MYEF2: variants seen among roughly 807,000 people sequenced by gnomAD.
MYEF2 encodes the protein myelin gene expression factor 2.
A neutral mutation model predicts 75.2 loss-of-function variants in MYEF2; 37 were observed. The ratio of observed to expected loss-of-function variants is 0.49; its 90% CI spans 0.38 to 0.65. The LOEUF is 0.65. Ranked by LOEUF, MYEF2 falls within the 30% of genes least tolerant of loss-of-function variation. The pLI is 0.00. For missense variants in MYEF2, 634 were observed against 771.4 expected, an observed-to-expected ratio of 0.82 and a Z score of 2.11; for synonymous variants, 195 against 241.6, an observed-to-expected ratio of 0.81 and a Z score of 1.79.
At chr15:48,168,902 T>C in intron 1 of MYEF2, 63 bp from the exon 2 acceptor site, 5 of 1,243,236 alleles carry the variant, frequency 4.0e-6, no homozygotes, top group Non-Finnish European at 5.6e-6. Flanking sequence ...AATGGAAGTC[T>C]ATATTAAATA....
Position 48,137,059 on chromosome 15 carries a change from A to ACAT in MYEF2, c.*5848_*5849insATG. 7.6e-7 allele frequency: 1 copy of ACAT among 1,319,282 alleles called. No individual in the cohort carries two copies. The highest frequency in any genetic ancestry group is 1.0e-6 in the Non-Finnish European group (1 of 973,300). The allele number at this position is 1,319,282 out of a possible 1,614,324, so 81.7% of individuals were successfully genotyped here. ...AGCAAGTATTGTGTGCTTTTTATGTAAAAAAGACTGTGAAGACTCAGAAAT... is the reference window on the plus strand; with the variant it reads ...AGCAAGTATTGTGTGCTTTTTATGTACATAAAAAGACTGTGAAGACTCAGAAAT... On this transcript the variant is annotated 3_prime_UTR_variant, in exon 17 of 17. Coordinates refer to ENST00000324324, the MANE Select transcript of MYEF2 (RefSeq NM_016132.5).
chr15:48,160,124 A>G (rs2039879571), intron 5 of MYEF2, among the ~76,000 whole-genome samples: 1 of 152,106 alleles, frequency 6.6e-6, no homozygotes, highest in Admixed American at 6.6e-5. Context: ...CGAAGTACTC[A>G]CTGCAACTTT....
At chr15:48,157,156 G>A (rs1019817604) in intron 9 of MYEF2, 5 of 151,984 alleles carry the variant, frequency 3.3e-5, no homozygotes, top group Admixed American at 3.3e-4. Flanking sequence ...TATTTATTGA[G>A]TGTTTACATT....
At chr15:48,160,117 A>C (rs1884648992) in intron 5 of MYEF2, among the ~76,000 whole-genome samples, 2 of 152,122 alleles carry the variant, frequency 1.3e-5, no homozygotes, top group Admixed American at 6.6e-5. Context: ...AGAAGAGCGA[A>C]GTACTCACTG....
At chr15:48,147,096 T>A (rs2039313767) in intron 16 of MYEF2, among the ~76,000 whole-genome samples, 1 of 151,988 alleles carries the variant, frequency 6.6e-6, no homozygotes, top group Non-Finnish European at 1.5e-5. Context: ...AGAGCTAAAA[T>A]AGCAAAGTAA....
chr15:48,159,495 C>T (rs914281628), intron 6 of MYEF2, 118 bp downstream of exon 6: 9 of 807,724 alleles, frequency 1.1e-5, no homozygotes, highest in African/African-American at 1.1e-4. Context: ...ACAATAATTA[C>T]TATTTCACTT....
intron 5 of MYEF2, among the ~76,000 whole-genome samples, 163 bp from the exon 6 acceptor site, chr15:48,159,967 A>C (rs1185053239): frequency 6.6e-6 from 1 of 152,078 alleles, no homozygotes; most frequent in Admixed American, 6.6e-5. Flanking sequence ...TCCCATAAAA[A>C]CCTGTGGATA....
Position 48,135,404 on chromosome 15 carries a change from T to A in MYEF2, c.*7504A>T, listed in dbSNP as rs935929638. On this transcript the variant is annotated 3_prime_UTR_variant, in exon 17 of 17. Coordinates refer to ENST00000324324, the MANE Select transcript of MYEF2 (RefSeq NM_016132.5). ...GTAGAGGAAGTAAAAGAAGTCTTTT[T>A]AAATTCCTCCAAACTTCTGATGCTC... 1 of 153,734 alleles carries A rather than the reference T, an allele frequency of 6.5e-6. No individual in the cohort carries two copies. The highest frequency in any genetic ancestry group is 1.4e-5 in the Non-Finnish European group (1 of 69,086). The allele number at this position is 153,734 out of a possible 1,614,324, so 9.5% of individuals were successfully genotyped here. A position where few individuals can be genotyped will look rare whatever the true frequency, so the allele number is the denominator to read the frequency against.
intron 1 of MYEF2, among the ~76,000 whole-genome samples, chr15:48,174,305 G>A (rs2040439704): frequency 6.6e-6 from 1 of 151,204 alleles, no homozygotes; most frequent in South Asian, 2.1e-4. Flanking sequence ...AAATGAAAAT[G>A]GATTAAAAAC....
chr15:48,154,288 T>C (rs1245352490), intron 9 of MYEF2, among the ~76,000 whole-genome samples: 3 of 152,162 alleles, frequency 2.0e-5, no homozygotes, highest in African/African-American at 7.2e-5. Flanking sequence ...ACTTTTTAAA[T>C]GGTTCAAATC....
intron 1 of MYEF2, among the ~76,000 whole-genome samples, chr15:48,177,827 A>T (rs1218540333): frequency 6.6e-6 from 1 of 152,198 alleles, no homozygotes; most frequent in Non-Finnish European, 1.5e-5. Context: ...CTCGGGCTAG[A>T]AATCAGGGAA....
rs2038925910 is a variant in MYEF2 at position 48,137,316 on chromosome 15, T to A, written c.*5592A>T. The A allele has an allele frequency of 5.1e-6, 1 of 196,416 alleles. No individual in the cohort carries two copies. The highest frequency in any genetic ancestry group is 1.0e-5 in the Non-Finnish European group (1 of 96,892). The allele number at this position is 196,416 out of a possible 1,614,324, so 12.2% of individuals were successfully genotyped here. On this transcript the variant is annotated 3_prime_UTR_variant, in exon 17 of 17. Coordinates refer to ENST00000324324, the MANE Select transcript of MYEF2 (RefSeq NM_016132.5). ...AAAGACTTTAACTAATGACATATGT[T>A]ATGACCAATAAGTAGCAGCTACTGA...
intron 3 of MYEF2, among the ~76,000 whole-genome samples, chr15:48,166,509 C>T (rs1329250067): frequency 3.3e-5 from 5 of 151,768 alleles, no homozygotes; most frequent in African/African-American, 7.3e-5. Flanking sequence ...GTATTGTCTA[C>T]GACATATTTT....
In MYEF2 at chr15:48,141,514, T is replaced by A. The variant is rs1041690251; in HGVS notation, c.*1394A>T. 1 of 204,994 alleles carries A rather than the reference T, an allele frequency of 4.9e-6. No homozygotes were observed. The highest frequency in any genetic ancestry group is 2.3e-5 in the African/African-American group (1 of 42,626). The allele number at this position is 204,994 out of a possible 1,614,324, so 12.7% of individuals were successfully genotyped here. A position where few individuals can be genotyped will look rare whatever the true frequency, so the allele number is the denominator to read the frequency against. ...ATTGTTTGAATCCAGGAGGCGGAGG[T>A]TGCAGTGAGCCGAGATTGCGCCACG... On this transcript the variant is annotated 3_prime_UTR_variant, in exon 17 of 17. Coordinates refer to ENST00000324324, the MANE Select transcript of MYEF2 (RefSeq NM_016132.5).
chr15:48,149,283 TG>T lies in MYEF2; in HGVS notation c.1466del (p.Pro489GlnfsTer3). 1.2e-6 allele frequency: 2 copies of T among 1,613,336 alleles called. No homozygotes were observed. The highest frequency in any genetic ancestry group is 1.7e-6 in the Non-Finnish European group (2 of 1,179,480). ...TCCTTTCCAGTATAGCTCCTATACCTGGTCCCATTCTATCAAAGCTGGAACT... is the reference window on the plus strand; with the variant it reads ...TCCTTTCCAGTATAGCTCCTATACCTGTCCCATTCTATCAAAGCTGGAACT... ...RMSSSFDRMGPGIGAILERSI... is the reference protein window; with the variant it reads ...RMSSSFDRMGXGIGAILERSI... On this transcript the variant is annotated frameshift_variant, in exon 15 of 17. Transcript: ENST00000324324. LOFTEE classifies it high-confidence loss of function. The surrounding 1 kb of genome is among the most constrained non-coding windows in gnomAD (Gnocchi z 4.0).
In MYEF2 at chr15:48,167,388, T is replaced by C. The variant is rs2040171389; in HGVS notation, c.384A>G (p.Thr128=). Residue 128 remains threonine, a synonymous_variant, in exon 3 of 17, where the codon ACA becomes ACG. Transcript: ENST00000324324. The part of the protein sequence containing the change: ...DLMREKVGEV[T]YVELFKDAEG... ...CCGCATCCTTAAAGAGCTCCACGTA[T>C]GTAACCTCACCAACTACATAAGACA... 1 of 1,613,132 alleles carries C rather than the reference T, an allele frequency of 6.2e-7. No homozygotes were observed. Among genetic ancestry groups the C allele is most frequent in the Admixed American group, 1.7e-5 (1 of 60,002 alleles).
Position 48,142,243 on chromosome 15 carries a change from A to C in MYEF2, c.*665T>G. 6.2e-7 allele frequency: 1 copy of C among 1,613,774 alleles called. No individual in the cohort carries two copies. The highest frequency in any genetic ancestry group is 1.1e-5 in the South Asian group (1 of 91,072). On this transcript the variant is annotated 3_prime_UTR_variant, in exon 17 of 17. Transcript: ENST00000324324. ...ACTTCAATGGCTGGAAACTAGACAG[A>C]AAGTTGGGAATAGTCTGCCTATTAT...
chr15:48,160,605 T>A (rs1246353909), intron 5 of MYEF2, among the ~76,000 whole-genome samples: 2 of 151,802 alleles, frequency 1.3e-5, no homozygotes, highest in African/African-American at 4.8e-5. Flanking sequence ...AACACATGGA[T>A]AGACTATCAT....
In MYEF2 at chr15:48,136,149, A is replaced by C. The variant is rs1462428671; in HGVS notation, c.*6759T>G. ...AGCCAAATTCAGCTACATTCAAATC[A>C]TTAAAAATGCTCTGTATGACAAACT... On this transcript the variant is annotated 3_prime_UTR_variant, in exon 17 of 17. Coordinates refer to ENST00000324324, the MANE Select transcript of MYEF2 (RefSeq NM_016132.5). The C allele has an allele frequency of 6.6e-6, 1 of 152,174 alleles. No individual in the cohort carries two copies. The highest frequency in any genetic ancestry group is 1.5e-5 in the Non-Finnish European group (1 of 68,018). The allele number at this position is 152,174 out of a possible 1,614,324, so 9.4% of individuals were successfully genotyped here. A position where few individuals can be genotyped will look rare whatever the true frequency, so the allele number is the denominator to read the frequency against.
Sources: gnomAD v4.1 joint callset for allele counts (sites outside exome capture counted in the v4.1 genomes callset) on GRCh38, gnomAD v4.1.1 for gene constraint, Gnocchi (gnomAD v3.1) non-coding constraint, MANE v1.5 for transcripts, NCBI Gene and HGNC (gene_info 2026-07-23, HGNC 2026-07-21) for gene names.